The following KCNJ6 variants were observed in gnomAD, a reference collection of about 807,000 sequenced individuals.
The protein encoded by KCNJ6 is G protein-activated inward rectifier potassium channel 2.
Under a neutral mutation model 34.2 loss-of-function variants are expected in KCNJ6, and 9 were observed. That is an observed-to-expected ratio of 0.26 (90% confidence interval 0.16 to 0.46). The LOEUF (loss-of-function observed/expected upper bound fraction) is 0.46, where lower values mean the gene tolerates loss of function less well. Ranked by LOEUF, KCNJ6 falls within the 20% of genes least tolerant of loss-of-function variation. KCNJ6 has a pLI of 1.00. For missense variants in KCNJ6, 236 were observed against 531.3 expected (o/e 0.44, Z 5.46); for synonymous variants, 196 against 207.1 (o/e 0.95, Z 0.46).
At chr21:37,707,085 C>A (rs1219029066) in intron 3 of KCNJ6, among the ~76,000 whole-genome samples, 2 of 132,240 alleles carry the variant, frequency 1.5e-5, no homozygotes, top group Non-Finnish European at 3.2e-5. Context: ...TAATTCAGAT[C>A]CCATCGATTT....
chr21:37,828,468 C>T (rs1198586883), intron 2 of KCNJ6, among the ~76,000 whole-genome samples: 2 of 152,206 alleles, frequency 1.3e-5, no homozygotes, highest in Non-Finnish European at 2.9e-5. Flanking sequence ...ACACCTGTCA[C>T]CAGGGAGAAG....
chr21:37,769,699 T>C (rs1300218885), intron 2 of KCNJ6, among the ~76,000 whole-genome samples: 2 of 152,092 alleles, frequency 1.3e-5, no homozygotes, highest in Admixed American at 1.3e-4. Context: ...TTTGAATATG[T>C]CCTCTCAAAA....
At chr21:37,797,574 A>G (rs1399549825) in intron 2 of KCNJ6, among the ~76,000 whole-genome samples, 1 of 152,028 alleles carries the variant, frequency 6.6e-6, no homozygotes, top group Non-Finnish European at 1.5e-5. Flanking sequence ...TTGACTCACT[A>G]CCAACTGACA....
At chr21:37,692,621 T>TGG (rs1253564651) in intron 3 of KCNJ6, among the ~76,000 whole-genome samples, 1 of 152,198 alleles carries the variant, frequency 6.6e-6, no homozygotes, top group Non-Finnish European at 1.5e-5. Flanking sequence ...GCCCAATGGT[T>TGG]GGGGCCTTCC....
At chr21:37,906,200 A>G (rs940808430) in intron 1 of KCNJ6, among the ~76,000 whole-genome samples, 5 of 152,336 alleles carry the variant, frequency 3.3e-5, no homozygotes, top group African/African-American at 7.2e-5. Context: ...AATCTTTGCA[A>G]CTTAGTGTGA....
intron 2 of KCNJ6, among the ~76,000 whole-genome samples, chr21:37,766,345 C>A (rs1490087274): frequency 6.6e-6 from 1 of 152,098 alleles, no homozygotes; most frequent in African/African-American, 2.4e-5. Context: ...CCTTTGGAGA[C>A]AGGTGGGTTG....
At chr21:37,726,499 A>T (rs2054855471) in intron 2 of KCNJ6, among the ~76,000 whole-genome samples, 1 of 152,190 alleles carries the variant, frequency 6.6e-6, no homozygotes, top group Non-Finnish European at 1.5e-5. Context: ...GACCTGGCAA[A>T]TTGTCCATGC....
At position 37,723,760 on chromosome 21, in the gene KCNJ6, T is replaced by C. The variant is rs529467038; in HGVS notation, c.26-8629A>G. On this transcript the variant is annotated intron_variant, in intron 2 of 3. Transcript: ENST00000609713. ...AGCATTGGGAAACACTGGGGACTAC[T>C]AGAGGGGAGAAGGAGGGACGGGCTC... Among the ~76,000 whole-genome samples the C allele has an allele frequency of 2.6e-5, 4 of 152,190 alleles. No homozygotes were observed. In the South Asian group the frequency reaches 8.3e-4, roughly 32 times the overall value.
chr21:37,706,856 C>T (rs2054722410), intron 3 of KCNJ6, among the ~76,000 whole-genome samples: 1 of 152,142 alleles, frequency 6.6e-6, no homozygotes. Flanking sequence ...TCAGCTGATA[C>T]CTCAGAATTC....
At chr21:37,914,011 GTGT>G (rs2055880732) in intron 1 of KCNJ6, among the ~76,000 whole-genome samples, 6 of 121,562 alleles carry the variant, frequency 4.9e-5, no homozygotes, top group African/African-American at 2.0e-4. Flanking sequence ...GGATCGGGGT[GTGT>G]GTGTGTGTGT....
rs80045781 is a variant in KCNJ6 at position 37,901,943 on chromosome 21, G to T, written c.-28+13941C>A. Among the ~76,000 whole-genome samples, 54 of 152,012 alleles carry T rather than the reference G, an allele frequency of 3.6e-4. No individual in the cohort carries two copies. In the East Asian group the frequency reaches 9.1e-3, roughly 26 times the overall value. On this transcript the variant is annotated intron_variant, in intron 1 of 3. Coordinates refer to ENST00000609713, the MANE Select transcript of KCNJ6 (RefSeq NM_002240.5). ...GACAGGAAAACCAGCTAACTAATTT[G>T]TTTTTTTTAATTATCCCAATTTTGT...
chr21:37,740,991 T>C (rs1220542165), intron 2 of KCNJ6, among the ~76,000 whole-genome samples: 2 of 152,214 alleles, frequency 1.3e-5, no homozygotes, highest in Non-Finnish European at 2.9e-5. Flanking sequence ...CCATGGTTTG[T>C]CTTCAGCCTC....
In KCNJ6 at chr21:37,695,571, A is replaced by C. The variant is rs991829569; in HGVS notation, c.946+18640T>G. ...ACCTCCCTACATGTTTTCACTCCAG[A>C]TCAACATGCTGGTAAGTATTGGAGT... On this transcript the variant is annotated intron_variant, in intron 3 of 3. Transcript: ENST00000609713. This position sits in a 1 kb window ranked among gnomAD's most constrained non-coding sequence, Gnocchi z 4.2. Among the ~76,000 whole-genome samples, 13 of 152,208 alleles carry C rather than the reference A, an allele frequency of 8.5e-5. No homozygotes were observed. Among genetic ancestry groups the C allele is most frequent in the African/African-American group, 3.1e-4 (13 of 41,448 alleles).
chr21:37,679,444 T>G (rs1237133720), intron 3 of KCNJ6, among the ~76,000 whole-genome samples: 1 of 152,214 alleles, frequency 6.6e-6, no homozygotes, highest in East Asian at 1.9e-4. Context: ...ATCTACATTA[T>G]AGAGGAGCAG....
At chr21:37,746,992 T>C (rs1436329194) in intron 2 of KCNJ6, among the ~76,000 whole-genome samples, 3 of 152,218 alleles carry the variant, frequency 2.0e-5, no homozygotes, top group African/African-American at 7.2e-5. Context: ...GCCTTGTTCA[T>C]AAGGTGCAAG....
At chr21:37,898,335 C>T (rs1238927149) in intron 1 of KCNJ6, among the ~76,000 whole-genome samples, 1 of 152,048 alleles carries the variant, frequency 6.6e-6, no homozygotes, top group African/African-American at 2.4e-5. Context: ...TTCAAAAATG[C>T]CAGTATTGGG....
chr21:37,759,199 G>A (rs567348920), intron 2 of KCNJ6, among the ~76,000 whole-genome samples: 1 of 152,126 alleles, frequency 6.6e-6, no homozygotes, highest in Non-Finnish European at 1.5e-5. Context: ...TAATTTGTCC[G>A]GGCTGCATCT....
chr21:37,711,564 T>C (rs1017518467), intron 3 of KCNJ6, among the ~76,000 whole-genome samples: 1 of 152,202 alleles, frequency 6.6e-6, no homozygotes, highest in African/African-American at 2.4e-5. Context: ...TTTCCTCGAG[T>C]GTGCATTTGG....
intron 3 of KCNJ6, among the ~76,000 whole-genome samples, chr21:37,707,735 G>GTGTGTGTGTATATGTGTGTGCATGTGT (rs1267356647): frequency 6.7e-6 from 1 of 149,680 alleles, no homozygotes; most frequent in African/African-American, 2.5e-5. Context: ...GTGTGTGTGT[G>GTGTGTGTGTATATGTGTGTGCATGTGT]AATAATTTAC....
Sources: gnomAD v4.1 joint callset for allele counts (sites outside exome capture counted in the v4.1 genomes callset) on GRCh38, gnomAD v4.1.1 for gene constraint, Gnocchi (gnomAD v3.1) non-coding constraint, MANE v1.5 for transcripts, NCBI Gene and HGNC (gene_info 2026-07-23, HGNC 2026-07-21) for gene names.